The following CTXND2 variants were observed in gnomAD, a reference collection of about 807,000 sequenced individuals.
CTXND2 encodes cortexin domain containing 2.
chr1:150,901,507 A>G (rs587727821), intron 1 of CTXND2, among the ~76,000 whole-genome samples: 1 of 152,372 alleles, frequency 6.6e-6, no homozygotes, highest in East Asian at 1.9e-4. Flanking sequence ...ACAAAGCTAC[A>G]GTAATCAAGA....
chr1:150,903,320 T>TC (rs1007322456), intron 1 of CTXND2, among the ~76,000 whole-genome samples: 2 of 152,044 alleles, frequency 1.3e-5, no homozygotes, highest in African/African-American at 4.8e-5. Flanking sequence ...GCATGATTTG[T>TC]CCCTCCCGCT....
chr1:150,901,161 A>C (rs1669020057), intron 1 of CTXND2, among the ~76,000 whole-genome samples: 1 of 151,996 alleles, frequency 6.6e-6, no homozygotes, highest in South Asian at 2.1e-4. Context: ...AAGATAACAA[A>C]AGAATAAAAT....
intron 1 of CTXND2, among the ~76,000 whole-genome samples, chr1:150,910,035 C>T (rs1427127105): frequency 6.6e-6 from 1 of 151,716 alleles, no homozygotes; most frequent in Non-Finnish European, 1.5e-5. Flanking sequence ...GCCTGGTGGC[C>T]CTTTCCTGAA....
chr1:150,901,175 A>T (rs1669020420), intron 1 of CTXND2, among the ~76,000 whole-genome samples: 1 of 150,232 alleles, frequency 6.7e-6, no homozygotes, highest in Non-Finnish European at 1.5e-5. Flanking sequence ...ATAAAATAGG[A>T]ATACATTTAA....
chr1:150,889,194 G>A (rs1668813353), intron 1 of CTXND2, among the ~76,000 whole-genome samples: 2 of 151,956 alleles, frequency 1.3e-5, no homozygotes, highest in Non-Finnish European at 2.9e-5. Flanking sequence ...CGGATCACGA[G>A]GTCAGGAGAT....
intron 1 of CTXND2, among the ~76,000 whole-genome samples, chr1:150,901,758 C>CA (rs1041954965): frequency 4.5e-4 from 65 of 145,036 alleles, no homozygotes; most frequent in South Asian, 2.2e-3. Flanking sequence ...ACTTAAAATA[C>CA]AAAAAAAAAA....
intron 1 of CTXND2, among the ~76,000 whole-genome samples, chr1:150,907,593 T>C (rs1669171489): frequency 6.6e-6 from 1 of 152,202 alleles, no homozygotes; most frequent in African/African-American, 2.4e-5. Context: ...ACCTTTTGGC[T>C]ATGATGAATA....
intron 1 of CTXND2, among the ~76,000 whole-genome samples, chr1:150,901,924 T>TA (rs199515058): frequency 0.015 from 2,142 of 142,012 alleles, 38 homozygotes; most frequent in African/African-American, 0.049. Context: ...AGATTCCATC[T>TA]AAAAAAAAAA....
At chr1:150,889,854 C>T (rs1383530176) in intron 1 of CTXND2, among the ~76,000 whole-genome samples, 1 of 152,024 alleles carries the variant, frequency 6.6e-6, no homozygotes, top group Non-Finnish European at 1.5e-5. Context: ...GCCAGCCCTC[C>T]CCAGGCACTG....
At chr1:150,904,148 G>A (rs1035491070) in intron 1 of CTXND2, 5 of 652,400 alleles carry the variant, frequency 7.7e-6, no homozygotes, top group Admixed American at 1.8e-5. Context: ...GATCTTTGCC[G>A]GCATTAAAAA....
At chr1:150,904,941 A>ACTG (rs1343077054) in intron 1 of CTXND2, among the ~76,000 whole-genome samples, 1 of 152,066 alleles carries the variant, frequency 6.6e-6, no homozygotes, top group Admixed American at 6.6e-5. Context: ...AAACTGTAGA[A>ACTG]CTGCTATGTA....
At chr1:150,913,167 G>A (rs1293758578) in exon 2 of CTXND2, 1 of 152,090 alleles carries the variant, frequency 6.6e-6, no homozygotes, top group Non-Finnish European at 1.5e-5. Context: ...GAATTATCTA[G>A]GTGAGACTTA....
intron 1 of CTXND2, among the ~76,000 whole-genome samples, chr1:150,889,438 C>A (rs1486764938): frequency 1.3e-5 from 2 of 150,552 alleles, no homozygotes; most frequent in Non-Finnish European, 3.0e-5. Flanking sequence ...ATAAATAATT[C>A]TATGAATGGC....
At chr1:150,912,094 ATTAACT>A (rs1669266769) in intron 1 of CTXND2, 142 bp from the exon 2 acceptor site, 7 of 366,338 alleles carry the variant, frequency 1.9e-5, no homozygotes, top group East Asian at 8.0e-5. Context: ...AGTCATCTAT[ATTAACT>A]TTATCAGTTT....
chr1:150,911,577 TG>T (rs1240076749), intron 1 of CTXND2, among the ~76,000 whole-genome samples: 1 of 151,824 alleles, frequency 6.6e-6, no homozygotes, highest in East Asian at 1.9e-4. Flanking sequence ...GGATTACAGG[TG>T]CCCGCCATCA....
chr1:150,907,454 T>C (rs1669169751), intron 1 of CTXND2, among the ~76,000 whole-genome samples: 1 of 152,240 alleles, frequency 6.6e-6, no homozygotes, highest in South Asian at 2.1e-4. Context: ...TTTCTTTCAC[T>C]CAGCTTAATG....
intron 1 of CTXND2, among the ~76,000 whole-genome samples, chr1:150,907,542 G>T (rs1158215099): frequency 6.6e-6 from 1 of 152,070 alleles, no homozygotes; most frequent in Non-Finnish European, 1.5e-5. Context: ...ACCACACTTT[G>T]CTTATCCATT....
intron 1 of CTXND2, among the ~76,000 whole-genome samples, chr1:150,910,507 TC>T (rs1480980475): frequency 6.6e-6 from 1 of 152,294 alleles, no homozygotes; most frequent in Admixed American, 6.5e-5. Context: ...CTAACTTAAT[TC>T]TTTTGCATGT....
chr1:150,894,456 C>A (rs183044307), intron 1 of CTXND2, among the ~76,000 whole-genome samples: 1 of 152,142 alleles, frequency 6.6e-6, no homozygotes, highest in Non-Finnish European at 1.5e-5. Context: ...CCTATTAATA[C>A]TTGAGAAGAA....
Sources: allele counts gnomAD v4.1 joint callset (sites outside exome capture counted in the v4.1 genomes callset), GRCh38; gene constraint gnomAD v4.1.1; transcripts MANE v1.5; gene names NCBI Gene and HGNC (gene_info 2026-07-23, HGNC 2026-07-21).